SMO: variants seen among roughly 807,000 people sequenced by gnomAD.
The protein encoded by SMO is protein smoothened.
SMO carries 40 observed loss-of-function variants against 81.6 expected under a neutral mutation model. The observed-to-expected ratio is 0.49, with a 90% confidence interval of 0.38 to 0.64. SMO has a LOEUF of 0.64. Ranked by LOEUF, SMO falls within the 30% of genes least tolerant of loss-of-function variation. The probability of loss-of-function intolerance (pLI) is 0.00; values close to 1 mark genes in which losing one functional copy is unlikely to be tolerated. For missense variants in SMO, 916 were observed against 1,061.1 expected, an observed-to-expected ratio of 0.86 and a Z score of 1.90; for synonymous variants, 434 against 432.1, an observed-to-expected ratio of 1.00 and a Z score of -0.05.
intron 1 of SMO, among the ~76,000 whole-genome samples, chr7:129,203,090 G>T (rs1793696573): frequency 6.6e-6 from 1 of 152,286 alleles, no homozygotes; most frequent in East Asian, 1.9e-4. Context: ...TCCTCTCCAG[G>T]CTCCCTTCTA....
At position 129,212,298 on chromosome 7, in the gene SMO, C is replaced by T. The variant is rs760191909; in HGVS notation, c.2211C>T (p.Phe737=). Residue 737 remains phenylalanine, a synonymous_variant, in exon 12 of 12, where the codon TTC becomes TTT. Transcript: ENST00000249373. This position sits in a 1 kb window ranked among gnomAD's most constrained non-coding sequence, Gnocchi z 5.0. ...QGAWTLVSNP[F]CPEPSPPQDP... Reference sequence around the variant, plus strand: ...CGTGGACCCTGGTCTCCAACCCATTCTGCCCAGAGCCCAGTCCCCCTCAGG... The same window carrying T: ...CGTGGACCCTGGTCTCCAACCCATTTTGCCCAGAGCCCAGTCCCCCTCAGG... 2 of 1,614,078 alleles carry T rather than the reference C, an allele frequency of 1.2e-6. No homozygotes were observed. Among genetic ancestry groups the T allele is most frequent in the South Asian group, 2.2e-5 (2 of 91,076 alleles).
intron 1 of SMO, among the ~76,000 whole-genome samples, chr7:129,192,980 C>A (rs1257375310): frequency 2.0e-5 from 3 of 152,152 alleles, no homozygotes; most frequent in Non-Finnish European, 4.4e-5. Context: ...ATTTCTAGGT[C>A]TGTATAGACC....
In SMO at chr7:129,211,017, A is replaced by G. The variant is rs534390445; in HGVS notation, c.1705A>G (p.Ile569Val). 1 of 1,613,966 alleles carries G rather than the reference A, an allele frequency of 6.2e-7. No individual in the cohort carries two copies. The highest frequency in any genetic ancestry group is 2.2e-5 in the East Asian group (1 of 44,878). ...AAAGCGGATCAAGAAGAGCAAGATG[A>G]TTGCCAAGGCCTTCTCTAAGCGGCA... ...EPKRIKKSKM[I>V]AKAFSKRHEL... Residue 569 changes from isoleucine to valine, a missense_variant, in exon 10 of 12, where the codon ATT (isoleucine) becomes GTT (valine). Physicochemically the swap from Ile to Val is conservative, Grantham distance 29. This residue lies in a region of SMO where 324 missense variants were observed against 312.9 expected (regional missense o/e 1.04). Coordinates refer to ENST00000249373, the MANE Select transcript of SMO (RefSeq NM_005631.5). The surrounding 1 kb of genome is among the most constrained non-coding windows in gnomAD (Gnocchi z 4.6).
intron 1 of SMO, among the ~76,000 whole-genome samples, chr7:129,193,758 C>CAAAAAAA (rs35934044): frequency 1.3e-4 from 1 of 7,458 alleles, no homozygotes; most frequent in African/African-American, 5.6e-4. Context: ...GACTCCATCT[C>CAAAAAAA]AAAAAAAAAA....
chr7:129,206,705 G>C lies in SMO; in HGVS notation c.1264+118G>C, dbSNP rs922196020. ...GCTGAAACCCCAGCTAGCTCCTATA[G>C]GGCCTTCACACAGTAGAAGGTGACC... On this transcript the variant is annotated intron_variant, in intron 6 of 11. Coordinates refer to ENST00000249373, the MANE Select transcript of SMO (RefSeq NM_005631.5). This position sits in a 1 kb window ranked among gnomAD's most constrained non-coding sequence, Gnocchi z 4.4. The C allele has an allele frequency of 2.0e-6, 2 of 1,009,056 alleles. No homozygotes were observed. Among genetic ancestry groups the C allele is most frequent in the Non-Finnish European group, 2.8e-6 (2 of 708,144 alleles). 62.5% of individuals were successfully genotyped at this position (1,009,056 alleles called of 1,614,324 possible). A position where few individuals can be genotyped will look rare whatever the true frequency, so the allele number is the denominator to read the frequency against.
In SMO at chr7:129,212,676, A is replaced by G. The variant is rs1793897953; in HGVS notation, c.*225A>G. On this transcript the variant is annotated 3_prime_UTR_variant, in exon 12 of 12. Coordinates refer to ENST00000249373, the MANE Select transcript of SMO (RefSeq NM_005631.5). The surrounding 1 kb of genome is among the most constrained non-coding windows in gnomAD (Gnocchi z 5.0). ...CCCCAGGGACAGGGCCCTGGAGCTC[A>G]GGGTCCTTGTTTCTGCCCTGCCAGC... The G allele has an allele frequency of 1.7e-6, 1 of 572,710 alleles. No homozygotes were observed. The highest frequency in any genetic ancestry group is 1.9e-5 in the African/African-American group (1 of 53,376). 35.5% of individuals were successfully genotyped at this position (572,710 alleles called of 1,614,324 possible). A position where few individuals can be genotyped will look rare whatever the true frequency, so the allele number is the denominator to read the frequency against.
chr7:129,193,836 G>A (rs1228235856), intron 1 of SMO, among the ~76,000 whole-genome samples: 6 of 127,016 alleles, frequency 4.7e-5, no homozygotes, highest in Middle Eastern at 4.3e-3. Context: ...TGGGTGCAGT[G>A]GCTCACACCT....
Position 129,206,087 on chromosome 7 carries a change from G to T in SMO, c.921-63G>T, listed in dbSNP as rs1478095927. On this transcript the variant is annotated intron_variant, in intron 4 of 11. Coordinates refer to ENST00000249373, the MANE Select transcript of SMO (RefSeq NM_005631.5). This position sits in a 1 kb window ranked among gnomAD's most constrained non-coding sequence, Gnocchi z 4.4. ...CAGCTGAGGGTCTGGGCACAGGGTG[G>T]GGAGACCAGGTAGAGGGAGTACAGA... The T allele has an allele frequency of 1.2e-5, 16 of 1,323,194 alleles. No individual in the cohort carries two copies. Among genetic ancestry groups the T allele is most frequent in the Non-Finnish European group, 1.6e-5 (15 of 945,578 alleles). The allele number at this position is 1,323,194 out of a possible 1,614,324, so 82.0% of individuals were successfully genotyped here.
At chr7:129,201,855 A>G (rs906581277) in intron 1 of SMO, among the ~76,000 whole-genome samples, 1 of 151,656 alleles carries the variant, frequency 6.6e-6, no homozygotes. Flanking sequence ...TAATTTTTGT[A>G]TTTTTAGTAG....
chr7:129,190,427 G>A (rs1793465184), intron 1 of SMO, among the ~76,000 whole-genome samples: 3 of 152,218 alleles, frequency 2.0e-5, no homozygotes, highest in Admixed American at 2.0e-4. Flanking sequence ...GGCCTTATCA[G>A]CCCTCGCTTC....
At chr7:129,205,061 T>C (rs1340535610) in intron 2 of SMO, 142 bp from the exon 3 acceptor site, 2 of 679,254 alleles carry the variant, frequency 2.9e-6, no homozygotes, top group African/African-American at 3.6e-5. Flanking sequence ...AGAGGCCAAA[T>C]AATTTGCCAA....
At chr7:129,191,674 A>AT (rs919165377) in intron 1 of SMO, among the ~76,000 whole-genome samples, 1 of 152,038 alleles carries the variant, frequency 6.6e-6, no homozygotes, top group Admixed American at 6.5e-5. Context: ...AATGATCTTG[A>AT]TTTTGCATTA....
At position 129,211,244 on chromosome 7, in the gene SMO, G is replaced by C. The variant is rs191561430; in HGVS notation, c.1801+131G>C. 1.4e-3 allele frequency: 1,366 copies of C among 975,382 alleles called. 7 individuals carry two copies. The highest frequency in any genetic ancestry group is 7.2e-3 in the Middle Eastern group (29 of 4,054). The allele number at this position is 975,382 out of a possible 1,614,324, so 60.4% of individuals were successfully genotyped here. On this transcript the variant is annotated intron_variant, in intron 10 of 11. Transcript: ENST00000249373. This position sits in a 1 kb window ranked among gnomAD's most constrained non-coding sequence, Gnocchi z 4.6. The stretch of plus-strand genomic sequence containing the variant: ...TGAGGAGCAAGGCGCTCCCTCCATC[G>C]CTCACACACCCATTCTTCCCCCGGC...
rs1232694941 is a variant in SMO, at chr7:129,212,034, G to A, written c.1947G>A (p.Glu649=). ...CTCTCCTCCTGTCAGTGCCCCCAGA[G>A]GAACAAGCCAACCTGTGGCTGGTTG... is the stretch of plus-strand genomic sequence containing the variant. ...VTPVATPVPP[E]EQANLWLVEA... Residue 649 remains glutamate, a synonymous_variant, in exon 12 of 12, where the codon GAG becomes GAA. Coordinates refer to ENST00000249373, the MANE Select transcript of SMO (RefSeq NM_005631.5). The surrounding 1 kb of genome is among the most constrained non-coding windows in gnomAD (Gnocchi z 5.0). 7 of 1,586,932 alleles carry A rather than the reference G, an allele frequency of 4.4e-6. No individual in the cohort carries two copies. The South Asian group carries it at 7.9e-5, about 18-fold the overall frequency.
At chr7:129,202,965 C>G (rs927195446) in intron 1 of SMO, among the ~76,000 whole-genome samples, 1 of 152,162 alleles carries the variant, frequency 6.6e-6, no homozygotes, top group African/African-American at 2.4e-5. Flanking sequence ...AGCTTGGTTT[C>G]CACAAGGTGA....
chr7:129,206,131 A>G lies in SMO; in HGVS notation c.921-19A>G. The G allele has an allele frequency of 6.4e-7, 1 of 1,561,302 alleles. No homozygotes were observed. The highest frequency in any genetic ancestry group is 8.7e-7 in the Non-Finnish European group (1 of 1,146,466). On this transcript the variant is annotated intron_variant, in intron 4 of 11. Coordinates refer to ENST00000249373, the MANE Select transcript of SMO (RefSeq NM_005631.5). This position sits in a 1 kb window ranked among gnomAD's most constrained non-coding sequence, Gnocchi z 4.4. Reference sequence around the variant, plus strand: ...GTACAGAGTGACCGCCTCAAGTGACACCTCACCTCTCTGCACAGCTCCAAT... The same window carrying G: ...GTACAGAGTGACCGCCTCAAGTGACGCCTCACCTCTCTGCACAGCTCCAAT...
At chr7:129,203,943 A>G (rs1197764624) in intron 2 of SMO, among the ~76,000 whole-genome samples, 4 of 151,958 alleles carry the variant, frequency 2.6e-5, no homozygotes, top group Admixed American at 2.0e-4. Context: ...CCACCAAGAC[A>G]GGGGACGTGA....
At chr7:129,193,959 G>T (rs1180015962) in intron 1 of SMO, among the ~76,000 whole-genome samples, 5 of 149,258 alleles carry the variant, frequency 3.3e-5, no homozygotes, top group Admixed American at 3.3e-4. Flanking sequence ...AATTAGCCGG[G>T]CATGTTGGCA....
At position 129,189,355 on chromosome 7, in the gene SMO, C is replaced by G; in HGVS notation, c.204C>G (p.Ala68=). ...CGCTGAGCCACTGCGGCCGGGCTGC[C>G]CCCTGCGAGCCGCTGCGCTACAACG... ...PPPLSHCGRA[A]PCEPLRYNVC... Residue 68 remains alanine, a synonymous_variant, in exon 1 of 12, where the codon GCC becomes GCG. Transcript: ENST00000249373. This position sits in a 1 kb window ranked among gnomAD's most constrained non-coding sequence, Gnocchi z 4.7. 6.5e-7 allele frequency: 1 copy of G among 1,529,058 alleles called. No homozygotes were observed. Among genetic ancestry groups the G allele is most frequent in the East Asian group, 2.5e-5 (1 of 39,978 alleles). The allele number at this position is 1,529,058 out of a possible 1,614,324, so 94.7% of individuals were successfully genotyped here.
Sources: gnomAD v4.1 joint callset for allele counts (sites outside exome capture counted in the v4.1 genomes callset) on GRCh38, gnomAD v4.1.1 for gene constraint, gnomAD v4.1.1 regional missense constraint, Gnocchi (gnomAD v3.1) non-coding constraint, MANE v1.5 for transcripts, NCBI Gene and HGNC (gene_info 2026-07-23, HGNC 2026-07-21) for gene names.